RYR2: variants seen among roughly 807,000 people sequenced by gnomAD.
RYR2 encodes cardiac muscle ryanodine receptor-calcium release channel.
In RYR2, 227 loss-of-function variants were observed where a neutral mutation model predicts 601.1. That is an observed-to-expected ratio of 0.38 (90% confidence interval 0.34 to 0.42). RYR2 has a LOEUF of 0.42. Among genes scored for constraint, RYR2 ranks in the 10% least tolerant of loss-of-function variants. The probability of loss-of-function intolerance (pLI) is 1.00; values close to 1 mark genes in which losing one functional copy is unlikely to be tolerated. For missense variants in RYR2, 4,646 were observed against 6,156.5 expected (o/e 0.75, Z 8.21); for synonymous variants, 2,223 against 2,175.1 (o/e 1.02, Z -0.61).
chr1:237,789,378 T>C (rs936932302), intron 92 of RYR2, among the ~76,000 whole-genome samples: 11 of 152,234 alleles, frequency 7.2e-5, no homozygotes, highest in South Asian at 2.1e-4. Context: ...TTTAATTTAG[T>C]TGTAACTACA....
intron 2 of RYR2, among the ~76,000 whole-genome samples, chr1:237,273,373 C>T (rs1265947323): frequency 6.6e-6 from 1 of 152,192 alleles, no homozygotes; most frequent in Non-Finnish European, 1.5e-5. Flanking sequence ...GCCTGCTGCT[C>T]ACTTCCGGCT....
intron 10 of RYR2, among the ~76,000 whole-genome samples, chr1:237,408,284 G>A (rs539136622): frequency 6.6e-6 from 1 of 151,846 alleles, no homozygotes; most frequent in South Asian, 2.1e-4. Context: ...TGTGTATAAA[G>A]TTGTTCCAGC....
chr1:237,049,618 G>A (rs1221426136), intron 1 of RYR2, among the ~76,000 whole-genome samples: 1 of 152,148 alleles, frequency 6.6e-6, no homozygotes, highest in Non-Finnish European at 1.5e-5. Flanking sequence ...TGGGGTCCCT[G>A]GAAATCCTCA....
chr1:237,469,253 T>TAAAA, intron 17 of RYR2, 66 bp downstream of exon 17: 3 of 137,498 alleles, frequency 2.2e-5, no homozygotes, highest in East Asian at 1.9e-4. Context: ...TCGTATCCTT[T>TAAAA]AAGACAAAAA....
rs577780332 is a variant in RYR2, at chr1:237,074,439, G to A, written c.48+31870G>A. ...GGATGACTCCTTGGGAGGAAGATGCGGCAATGGGAGGACACTGATGGATAG... is the reference window on the plus strand; with the variant it reads ...GGATGACTCCTTGGGAGGAAGATGCAGCAATGGGAGGACACTGATGGATAG... On this transcript the variant is annotated intron_variant, in intron 1 of 104. Coordinates refer to ENST00000366574, the MANE Select transcript of RYR2 (RefSeq NM_001035.3). 4.6e-5 allele frequency among the ~76,000 whole-genome samples: 7 copies of A among 152,296 alleles called. No individual in the cohort carries two copies. The South Asian group carries it at 1.0e-3, about 23-fold the overall frequency.
chr1:237,390,488 A>G (rs555376810), intron 10 of RYR2, among the ~76,000 whole-genome samples: 17 of 152,348 alleles, frequency 1.1e-4, no homozygotes, highest in African/African-American at 3.8e-4. Flanking sequence ...TACTTGATGC[A>G]TATTGAGAAA....
chr1:237,508,943 C>T (rs60454520), intron 23 of RYR2, among the ~76,000 whole-genome samples: 33,497 of 150,686 alleles, frequency 0.22, 4,062 homozygotes, highest in African/African-American at 0.35. Context: ...GGGGTTTCAC[C>T]GTGTTAGCCA....
At chr1:237,075,311 C>A (rs1300776534) in intron 1 of RYR2, among the ~76,000 whole-genome samples, 2 of 151,712 alleles carry the variant, frequency 1.3e-5, no homozygotes. Context: ...GTCTACAGCT[C>A]CCAGCGTGAG....
At chr1:237,732,757 T>A (rs1300240684) in intron 78 of RYR2, among the ~76,000 whole-genome samples, 1 of 152,164 alleles carries the variant, frequency 6.6e-6, no homozygotes, top group African/African-American at 2.4e-5. Context: ...CATCTGTCAT[T>A]ACGGAGGGCA....
At chr1:237,047,529 C>T (rs1176399978) in intron 1 of RYR2, among the ~76,000 whole-genome samples, 3 of 151,674 alleles carry the variant, frequency 2.0e-5, no homozygotes, top group African/African-American at 7.3e-5. Flanking sequence ...AAGTGGTCTT[C>T]TCCCACTGCT....
intron 1 of RYR2, among the ~76,000 whole-genome samples, chr1:237,060,481 G>T (rs116797287): frequency 6.6e-6 from 1 of 152,144 alleles, no homozygotes; most frequent in Non-Finnish European, 1.5e-5. Context: ...ATGAATATTT[G>T]CAGTGTGAAC....
At chr1:237,240,647 T>A (rs1316879767) in intron 1 of RYR2, among the ~76,000 whole-genome samples, 1 of 14,332 alleles carries the variant, frequency 7.0e-5, no homozygotes, top group East Asian at 0.083. Context: ...AGTGTTGTAT[T>A]GCCCCCTCTA....
intron 53 of RYR2, among the ~76,000 whole-genome samples, chr1:237,657,444 A>G (rs1022202750): frequency 6.6e-6 from 1 of 152,010 alleles, no homozygotes; most frequent in Non-Finnish European, 1.5e-5. Context: ...AAGGAATTAA[A>G]TATTCATTTA....
intron 3 of RYR2, among the ~76,000 whole-genome samples, chr1:237,353,045 T>G (rs1003918339): frequency 2.0e-5 from 3 of 152,204 alleles, no homozygotes; most frequent in African/African-American, 7.2e-5. Context: ...GTGATACATT[T>G]ATATGTCATT....
At chr1:237,780,524 A>ATAGTT (rs1238797247) in intron 88 of RYR2, among the ~76,000 whole-genome samples, 7 of 152,334 alleles carry the variant, frequency 4.6e-5, no homozygotes, top group African/African-American at 9.6e-5. Context: ...TTTTTAAAGA[A>ATAGTT]TAGTTTAAAA....
chr1:237,281,104 A>G (rs946080448), intron 2 of RYR2, among the ~76,000 whole-genome samples: 8 of 152,128 alleles, frequency 5.3e-5, no homozygotes, highest in Non-Finnish European at 1.2e-4. Context: ...TATTTTTAAC[A>G]TGCATTTATG....
chr1:237,266,531 A>T (rs2149331751), intron 1 of RYR2, among the ~76,000 whole-genome samples: 1 of 152,286 alleles, frequency 6.6e-6, no homozygotes, highest in African/African-American at 2.4e-5. Context: ...TCTGGAGAGG[A>T]AGTGTGCTCT....
intron 1 of RYR2, among the ~76,000 whole-genome samples, chr1:237,162,503 A>T (rs1038246636): frequency 1.3e-5 from 2 of 152,028 alleles, no homozygotes; most frequent in Middle Eastern, 3.2e-3. Flanking sequence ...CTCAACAACA[A>T]CAAAAAATTG....
chr1:237,309,690 G>A lies in RYR2; in HGVS notation c.169-21188G>A, dbSNP rs535678610. Among the ~76,000 whole-genome samples, 311 of 152,296 alleles carry A rather than the reference G, an allele frequency of 2.0e-3. 2 individuals carry two copies. The highest frequency in any genetic ancestry group is 7.2e-3 in the African/African-American group (299 of 41,570). On this transcript the variant is annotated intron_variant, in intron 2 of 104. Transcript: ENST00000366574. ...CGCCATGGAGCAGGGGGCGGCGCTTGTCGGGGAGGCTCGGACACGCAGGAG... is the reference window on the plus strand; with the variant it reads ...CGCCATGGAGCAGGGGGCGGCGCTTATCGGGGAGGCTCGGACACGCAGGAG...
Sources: gnomAD v4.1 joint callset for allele counts (sites outside exome capture counted in the v4.1 genomes callset) on GRCh38, gnomAD v4.1.1 for gene constraint, MANE v1.5 for transcripts, NCBI Gene and HGNC (gene_info 2026-07-23, HGNC 2026-07-21) for gene names.